ZNF536: variants seen among roughly 807,000 people sequenced by gnomAD.
ZNF536 encodes the protein zinc finger protein 536.
In ZNF536, 13 loss-of-function variants were observed where a neutral mutation model predicts 84.5. The ratio of observed to expected loss-of-function variants is 0.15; its 90% CI spans 0.10 to 0.24. ZNF536 has a LOEUF of 0.24. Ranked by LOEUF, ZNF536 falls within the 10% of genes least tolerant of loss-of-function variation. The pLI, the probability that ZNF536 is intolerant of heterozygous loss-of-function variation, is 1.00. For missense variants in ZNF536, 1,536 were observed against 1,747.5 expected (o/e 0.88, Z 2.16); for synonymous variants, 811 against 742.5 (o/e 1.09, Z -1.50).
chr19:30,248,458 C>T (rs976510167), intron 1 of ZNF536, among the ~76,000 whole-genome samples: 7 of 148,612 alleles, frequency 4.7e-5, no homozygotes, highest in African/African-American at 1.7e-4. Flanking sequence ...TGGCCAGGCT[C>T]GTCTCGCACT....
Position 30,329,859 on chromosome 19 carries a change from C to G in ZNF536, c.-119-22509C>G, listed in dbSNP as rs1437897970. On this transcript the variant is annotated intron_variant, in intron 2 of 5. Transcript: ENST00000585628. ...CTTGGTGGGGGGATACTTTCTCTAC[C>G]AAATTTCTGAGGAAAAATCAGAATT... 3.3e-5 allele frequency among the ~76,000 whole-genome samples: 5 copies of G among 152,216 alleles called. No individual in the cohort carries two copies. In the South Asian group the frequency reaches 6.2e-4, roughly 19 times the overall value.
chr19:30,656,528 G>T (rs1349556013), intron 1 of ZNF536, among the ~76,000 whole-genome samples: 1 of 152,186 alleles, frequency 6.6e-6, no homozygotes, highest in Non-Finnish European at 1.5e-5. Context: ...ACTGTTGGCT[G>T]TCAATGTTGT....
chr19:30,293,886 G>T (rs1055958363), intron 2 of ZNF536, among the ~76,000 whole-genome samples: 1 of 152,180 alleles, frequency 6.6e-6, no homozygotes, highest in Non-Finnish European at 1.5e-5. Flanking sequence ...TGCCTGAGAA[G>T]AGGCAGGAGA....
chr19:30,657,325 ATAGT>A (rs1304463971), intron 1 of ZNF536, among the ~76,000 whole-genome samples: 4 of 152,186 alleles, frequency 2.6e-5, no homozygotes, highest in Admixed American at 6.5e-5. Context: ...TCTACCTCAA[ATAGT>A]TAATCACTCT....
intron 1 of ZNF536, among the ~76,000 whole-genome samples, chr19:30,267,038 T>C (rs1344369735): frequency 6.6e-6 from 1 of 152,214 alleles, no homozygotes; most frequent in Non-Finnish European, 1.5e-5. Context: ...CGAAGCTGAG[T>C]GCAGATGGCA....
intron 1 of ZNF536, among the ~76,000 whole-genome samples, chr19:30,639,481 C>T (rs1401080381): frequency 6.6e-6 from 1 of 152,156 alleles, no homozygotes; most frequent in Non-Finnish European, 1.5e-5. Context: ...CCCAAGTTCC[C>T]AGTAGCCACA....
At chr19:30,546,689 T>C (rs1233927821) in intron 3 of ZNF536, among the ~76,000 whole-genome samples, 1 of 152,154 alleles carries the variant, frequency 6.6e-6, no homozygotes, top group African/African-American at 2.4e-5. Context: ...TATTTTACAA[T>C]AGAACAGAGG....
intron 1 of ZNF536, among the ~76,000 whole-genome samples, chr19:30,376,999 G>A (rs1182407477): frequency 6.6e-6 from 1 of 152,180 alleles, no homozygotes; most frequent in Non-Finnish European, 1.5e-5. Flanking sequence ...AGTCCATCAG[G>A]GGAGGCTGGC....
chr19:30,263,977 C>G (rs1251378357), intron 1 of ZNF536, among the ~76,000 whole-genome samples: 1 of 152,136 alleles, frequency 6.6e-6, no homozygotes, highest in South Asian at 2.1e-4. Flanking sequence ...AGGAAAGGAA[C>G]TTTCAGTTTT....
chr19:30,675,164 A>C (rs564550186), intron 1 of ZNF536, among the ~76,000 whole-genome samples: 1 of 152,300 alleles, frequency 6.6e-6, no homozygotes, highest in Non-Finnish European at 1.5e-5. Context: ...CGCACCTCTA[A>C]GGAACTGGAT....
chr19:30,621,748 G>A (rs1478118361), intron 1 of ZNF536, among the ~76,000 whole-genome samples: 1 of 152,228 alleles, frequency 6.6e-6, no homozygotes, highest in Non-Finnish European at 1.5e-5. Flanking sequence ...GGGGCCCTGG[G>A]GCCAGCATCA....
chr19:30,661,266 ACTCT>A (rs1339602718), intron 1 of ZNF536, among the ~76,000 whole-genome samples: 1 of 151,970 alleles, frequency 6.6e-6, no homozygotes, highest in Non-Finnish European at 1.5e-5. Flanking sequence ...ACATTGACTG[ACTCT>A]CTTAATTTAA....
At chr19:30,704,473 C>T (rs1310890986) in intron 1 of ZNF536, among the ~76,000 whole-genome samples, 1 of 151,748 alleles carries the variant, frequency 6.6e-6, no homozygotes, top group Admixed American at 6.6e-5. Context: ...CTGGTGAAAC[C>T]CCACCTCTAT....
At chr19:30,291,650 G>C (rs1219275344) in intron 2 of ZNF536, among the ~76,000 whole-genome samples, 3 of 152,086 alleles carry the variant, frequency 2.0e-5, no homozygotes, top group African/African-American at 7.2e-5. Context: ...ATTTTTTGTG[G>C]AACTGCCATA....
At chr19:30,358,050 G>T (rs1269921684) in intron 3 of ZNF536, among the ~76,000 whole-genome samples, 2 of 152,086 alleles carry the variant, frequency 1.3e-5, no homozygotes, top group East Asian at 3.9e-4. Flanking sequence ...TGCACGCAGG[G>T]TGAGTTTAAG....
intron 2 of ZNF536, among the ~76,000 whole-genome samples, chr19:30,301,147 T>G (rs2046167828): frequency 6.6e-6 from 1 of 152,210 alleles, no homozygotes; most frequent in African/African-American, 2.4e-5. Context: ...ATTCTGGCTG[T>G]GGACGTTTTC....
chr19:30,654,624 G>A (rs910660939), intron 1 of ZNF536, among the ~76,000 whole-genome samples: 1 of 152,306 alleles, frequency 6.6e-6, no homozygotes, highest in South Asian at 2.1e-4. Context: ...CTGGGCGGTG[G>A]CTATCTAGGT....
At chr19:30,419,578 A>G (rs2050867448) in intron 1 of ZNF536, among the ~76,000 whole-genome samples, 3 of 152,202 alleles carry the variant, frequency 2.0e-5, no homozygotes, top group Admixed American at 6.5e-5. Context: ...GGCTAATTTT[A>G]CAAACGATAA....
chr19:30,552,159 G>C (rs1420941248), intron 4 of ZNF536, among the ~76,000 whole-genome samples: 1 of 152,124 alleles, frequency 6.6e-6, no homozygotes, highest in East Asian at 1.9e-4. Flanking sequence ...TTAGCACAAT[G>C]AATAAAATAT....
Sources: gnomAD v4.1 joint callset for allele counts (sites outside exome capture counted in the v4.1 genomes callset) on GRCh38, gnomAD v4.1.1 for gene constraint, MANE v1.5 for transcripts, NCBI Gene and HGNC (gene_info 2026-07-23, HGNC 2026-07-21) for gene names.